Variants in TAFA4 observed in about 807,000 individuals in gnomAD.
TAFA4 encodes chemokine-like protein TAFA-4.
TAFA4 carries 20 observed loss-of-function variants against 21.1 expected under a neutral mutation model. The observed-to-expected ratio is 0.95, with a 90% confidence interval of 0.67 to 1.38. The LOEUF is 1.38. Ranked by LOEUF, TAFA4 falls within the 40% of genes most tolerant of loss-of-function variation. The probability of loss-of-function intolerance (pLI) is 0.00; values close to 1 mark genes in which losing one functional copy is unlikely to be tolerated. For missense variants in TAFA4, 211 were observed against 180.9 expected (o/e 1.17, Z -0.95); for synonymous variants, 71 against 67.4 (o/e 1.05, Z -0.26).
At chr3:68,923,754 A>G (rs769311654) in intron 1 of TAFA4, among the ~76,000 whole-genome samples, 1 of 152,128 alleles carries the variant, frequency 6.6e-6, no homozygotes, top group Non-Finnish European at 1.5e-5. Flanking sequence ...GGGTAAACAC[A>G]CTTGTTATTT....
chr3:68,745,299 C>G (rs1422887841), intron 4 of TAFA4, among the ~76,000 whole-genome samples: 2 of 152,216 alleles, frequency 1.3e-5, no homozygotes, highest in Non-Finnish European at 2.9e-5. Flanking sequence ...CATCTGCCCA[C>G]TTTACTGAGC....
chr3:68,895,050 C>T (rs1178130081), intron 1 of TAFA4, among the ~76,000 whole-genome samples: 1 of 151,986 alleles, frequency 6.6e-6, no homozygotes, highest in Admixed American at 6.6e-5. Flanking sequence ...TGGAGTCTCA[C>T]TCTATCGCCC....
chr3:68,776,623 C>T (rs1456014840), intron 3 of TAFA4, among the ~76,000 whole-genome samples: 3 of 152,196 alleles, frequency 2.0e-5, no homozygotes, highest in African/African-American at 7.2e-5. Context: ...AACACCACCA[C>T]CATCAATCAC....
intron 3 of TAFA4, among the ~76,000 whole-genome samples, chr3:68,774,113 C>T (rs1703007371): frequency 6.6e-6 from 1 of 152,140 alleles, no homozygotes; most frequent in Admixed American, 6.5e-5. Context: ...GGGATCTTCT[C>T]CCAAGCTCCA....
chr3:68,890,436 A>G (rs188715372), intron 1 of TAFA4, among the ~76,000 whole-genome samples: 1 of 152,278 alleles, frequency 6.6e-6, no homozygotes, highest in Non-Finnish European at 1.5e-5. Context: ...AGGGGAGTGA[A>G]AGTTTGAATG....
At position 68,732,432 on chromosome 3, in the gene TAFA4, T is replaced by TATAAAATATTGGAATTGATATG. The variant is rs1702165763; in HGVS notation, c.*688_*709dup. The TATAAAATATTGGAATTGATATG allele has an allele frequency of 6.6e-6, 1 of 152,564 alleles. No homozygotes were observed. Among genetic ancestry groups the TATAAAATATTGGAATTGATATG allele is most frequent in the Non-Finnish European group, 1.5e-5 (1 of 68,014 alleles). 9.5% of individuals were successfully genotyped at this position (152,564 alleles called of 1,614,324 possible). A position where few individuals can be genotyped will look rare whatever the true frequency, so the allele number is the denominator to read the frequency against. On this transcript the variant is annotated 3_prime_UTR_variant, in exon 6 of 6. Transcript: ENST00000295569. ...AAATATGTTCTGATAGAGCTTTGGTTATAAAATATTGGAATTGATATGCTT... is the reference window on the plus strand; with the variant it reads ...AAATATGTTCTGATAGAGCTTTGGTTATAAAATATTGGAATTGATATGATAAAATATTGGAATTGATATGCTT...
chr3:68,814,745 A>G (rs1703926041), intron 3 of TAFA4, among the ~76,000 whole-genome samples: 1 of 152,216 alleles, frequency 6.6e-6, no homozygotes, highest in Admixed American at 6.5e-5. Context: ...TGCCCAAGGT[A>G]ATTTATAGAT....
intron 3 of TAFA4, among the ~76,000 whole-genome samples, chr3:68,820,645 A>G (rs1280336225): frequency 6.6e-6 from 1 of 152,214 alleles, no homozygotes; most frequent in Non-Finnish European, 1.5e-5. Flanking sequence ...CAAGCTGGGC[A>G]GCAGAACAAG....
At chr3:68,928,363 G>C (rs1358187481) in intron 1 of TAFA4, among the ~76,000 whole-genome samples, 1 of 152,144 alleles carries the variant, frequency 6.6e-6, no homozygotes, top group East Asian at 1.9e-4. Flanking sequence ...CCAAATTATT[G>C]GCTAGTACTG....
At chr3:68,870,021 C>T (rs146731322) in intron 3 of TAFA4, among the ~76,000 whole-genome samples, 1 of 151,878 alleles carries the variant, frequency 6.6e-6, no homozygotes, top group East Asian at 1.9e-4. Flanking sequence ...TTGCAGGATA[C>T]AAAATTAACA....
intron 1 of TAFA4, among the ~76,000 whole-genome samples, chr3:68,909,732 C>G (rs1453556298): frequency 6.6e-6 from 1 of 152,224 alleles, no homozygotes; most frequent in Non-Finnish European, 1.5e-5. Context: ...ATTCACATGA[C>G]TGTGTTACTT....
At chr3:68,843,973 A>G (rs1704727875) in intron 3 of TAFA4, among the ~76,000 whole-genome samples, 1 of 152,076 alleles carries the variant, frequency 6.6e-6, no homozygotes, top group African/African-American at 2.4e-5. Context: ...ATGGCCTGAA[A>G]TTTTCTTTTT....
intron 3 of TAFA4, among the ~76,000 whole-genome samples, chr3:68,781,347 C>G (rs1703150458): frequency 7.6e-6 from 1 of 130,890 alleles, no homozygotes; most frequent in Non-Finnish European, 1.6e-5. Flanking sequence ...AACAAGTCTG[C>G]TCTTCAAAAG....
chr3:68,817,198 T>A (rs1703999332), intron 3 of TAFA4, among the ~76,000 whole-genome samples: 1 of 152,260 alleles, frequency 6.6e-6, no homozygotes, highest in Non-Finnish European at 1.5e-5. Flanking sequence ...ATTTCAACAA[T>A]GTTCACAGAA....
intron 3 of TAFA4, among the ~76,000 whole-genome samples, chr3:68,756,031 C>T (rs1702653915): frequency 6.6e-6 from 1 of 152,156 alleles, no homozygotes; most frequent in Admixed American, 6.5e-5. Context: ...ATCCTACAGC[C>T]CCAGCCAACA....
intron 4 of TAFA4, among the ~76,000 whole-genome samples, chr3:68,740,937 C>A (rs925661832): frequency 2.6e-5 from 4 of 152,146 alleles, no homozygotes; most frequent in South Asian, 2.1e-4. Context: ...GTCACCCTGT[C>A]AAAGACTAGT....
At chr3:68,809,650 A>G (rs1703789496) in intron 3 of TAFA4, among the ~76,000 whole-genome samples, 1 of 151,882 alleles carries the variant, frequency 6.6e-6, no homozygotes, top group East Asian at 1.9e-4. Flanking sequence ...TCAGTGTCAT[A>G]AAGCTTTTCC....
chr3:68,849,927 G>A (rs1704904518), intron 3 of TAFA4, among the ~76,000 whole-genome samples: 1 of 152,068 alleles, frequency 6.6e-6, no homozygotes. Context: ...CAGTTTTATT[G>A]AGGTATAATT....
In TAFA4 at chr3:68,809,528, T is replaced by C. The variant is rs953913204; in HGVS notation, c.131-56510A>G. Among the ~76,000 whole-genome samples, 5 of 151,566 alleles carry C rather than the reference T, an allele frequency of 3.3e-5. 1 individual carries two copies. The highest frequency in any genetic ancestry group is 2.0e-4 in the Admixed American group (3 of 15,234). On this transcript the variant is annotated intron_variant, in intron 3 of 5. Coordinates refer to ENST00000295569, the MANE Select transcript of TAFA4 (RefSeq NM_182522.5). ...TGTCTCCACTATGTTGATTTTTTTTTTTTTTTTTTTTGCCGTGCAGAAGTT... is the reference window on the plus strand; with the variant it reads ...TGTCTCCACTATGTTGATTTTTTTTCTTTTTTTTTTTGCCGTGCAGAAGTT...
Sources: gnomAD v4.1 joint callset for allele counts (sites outside exome capture counted in the v4.1 genomes callset) on GRCh38, gnomAD v4.1.1 for gene constraint, MANE v1.5 for transcripts, NCBI Gene and HGNC (gene_info 2026-07-23, HGNC 2026-07-21) for gene names.